Variants in ARHGEF15 observed in about 807,000 individuals in gnomAD.
The protein encoded by ARHGEF15 is Rho guanine nucleotide exchange factor (GEF) 15.
Under a neutral mutation model 79.7 loss-of-function variants are expected in ARHGEF15, and 58 were observed. That is an observed-to-expected ratio of 0.73 (90% confidence interval 0.59 to 0.91). The LOEUF is 0.91. Ranked by LOEUF, ARHGEF15 falls within the 40% of genes least tolerant of loss-of-function variation. The pLI is 0.00. For synonymous variants in ARHGEF15, 442 were observed against 456.0 expected, an observed-to-expected ratio of 0.97 and a Z score of 0.39; for missense variants, 1,012 against 1,108.1, an observed-to-expected ratio of 0.91 and a Z score of 1.23.
At chr17:8,313,310 G>A in intron 3 of ARHGEF15, 56 bp downstream of exon 3, 5 of 1,562,136 alleles carry the variant, frequency 3.2e-6, no homozygotes, top group Non-Finnish European at 4.3e-6. Flanking sequence ...AGAGAGGCAG[G>A]GGGGAACTAA....
At chr17:8,314,742 CAAAA>C (rs77491661) in intron 4 of ARHGEF15, 160 bp from the exon 5 acceptor site, 3,632 of 297,738 alleles carry the variant, frequency 0.012, no homozygotes, top group Non-Finnish European at 0.014. Context: ...CTTTCCCCTT[CAAAA>C]AAAAAAAAAA....
Position 8,321,069 on chromosome 17 carries a change from T to A in ARHGEF15, c.*76T>A, listed in dbSNP as rs1905359586. 1.9e-6 allele frequency: 3 copies of A among 1,572,802 alleles called. No homozygotes were observed. The South Asian group carries it at 3.4e-5, about 18-fold the overall frequency. On this transcript the variant is annotated 3_prime_UTR_variant, in exon 16 of 16. Transcript: ENST00000361926. ...GGAGAGAACAAAGCCCATTCATCCA[T>A]TGGATTCACTGTCAGTGGAGATACT... is the stretch of plus-strand genomic sequence containing the variant.
chr17:8,315,612 A>G lies in ARHGEF15; in HGVS notation c.1421+38A>G, dbSNP rs1358416305. 7.5e-6 allele frequency: 12 copies of G among 1,604,130 alleles called. No homozygotes were observed. In the Admixed American group the frequency reaches 1.5e-4, roughly 20 times the overall value. ...CCGTCCTTCCAGGGAACCTGCCCTT[A>G]GGCTGCTGGGCACGCCCTTTCCTCT... is the stretch of plus-strand genomic sequence containing the variant. On this transcript the variant is annotated intron_variant, in intron 7 of 15. Transcript: ENST00000361926. The surrounding 1 kb of genome is among the most constrained non-coding windows in gnomAD (Gnocchi z 4.3).
At chr17:8,311,420 C>T (rs1376625214) in intron 1 of ARHGEF15, among the ~76,000 whole-genome samples, 2 of 152,158 alleles carry the variant, frequency 1.3e-5, no homozygotes, top group East Asian at 1.9e-4. Flanking sequence ...TCCTCATCTC[C>T]GGGGGTCAGA....
At position 8,320,986 on chromosome 17, in the gene ARHGEF15, C is replaced by A. The variant is rs552154823; in HGVS notation, c.2519C>A (p.Pro840Gln). The change falls in exon 16 of 16, where the codon CCA becomes CAA. Residue 840 changes from proline to glutamine, a missense_variant. By Grantham distance (76) the Pro-to-Gln change is moderately conservative (BLOSUM62 -1). Coordinates refer to ENST00000361926, the MANE Select transcript of ARHGEF15 (RefSeq NM_173728.4). ...TCTTCAGGCACCCCCAATGCCCCCC[C>A]ACCCTAATGCAGGCTGAGGAGGGGG... Reference protein sequence around the residue: ...GSSSGTPNAPPP With the variant: ...GSSSGTPNAPQP 525 of 1,613,974 alleles carry A rather than the reference C, an allele frequency of 3.3e-4. 3 individuals are homozygous for A. In the South Asian group the frequency reaches 5.1e-3, roughly 16 times the overall value.
rs926331333 is a variant in ARHGEF15, at chr17:8,312,570, G to A, written c.531G>A (p.Ala177=). 5.6e-6 allele frequency: 9 copies of A among 1,610,252 alleles called. No homozygotes were observed. Among genetic ancestry groups the A allele is most frequent in the African/African-American group, 2.7e-5 (2 of 74,824 alleles). Residue 177 remains alanine (A), a synonymous_variant, in exon 2 of 16, where the codon GCG becomes GCA. Coordinates refer to ENST00000361926, the MANE Select transcript of ARHGEF15 (RefSeq NM_173728.4). ...ATGCCCCGGAGCCAGGTCTCCAAGCGAGAGCAGATGTGAATGGGGAGAGAG... is the reference window on the plus strand; with the variant it reads ...ATGCCCCGGAGCCAGGTCTCCAAGCAAGAGCAGATGTGAATGGGGAGAGAG... ...DADAPEPGLQ[A]RADVNGEREA... is the part of the protein sequence containing the mutation.
chr17:8,313,215 C>G lies in ARHGEF15; in HGVS notation c.895C>G (p.Pro299Ala), dbSNP rs371577203. 1 of 1,606,384 alleles carries G rather than the reference C, an allele frequency of 6.2e-7. No homozygotes were observed. Among genetic ancestry groups the G allele is most frequent in the Non-Finnish European group, 8.5e-7 (1 of 1,179,988 alleles). Residue 299 changes from proline to alanine, a missense_variant, in exon 3 of 16, where the codon CCA (proline) becomes GCA (alanine). By Grantham distance (27) the Pro-to-Ala change is conservative. Transcript: ENST00000361926. ...DATIFGDPPQ[P>A]DLDLLSEDGI... ...CACCATTTTCGGGGACCCCCCACAG[C>G]CAGATCTTGATCTGCTTTCTGAAGA...
chr17:8,318,255 A>C lies in ARHGEF15; in HGVS notation c.1705-132A>C. The C allele has an allele frequency of 3.5e-6, 3 of 846,952 alleles. No homozygotes were observed. The highest frequency in any genetic ancestry group is 5.7e-6 in the Non-Finnish European group (3 of 525,544). 52.5% of individuals were successfully genotyped at this position (846,952 alleles called of 1,614,324 possible). A position where few individuals can be genotyped will look rare whatever the true frequency, so the allele number is the denominator to read the frequency against. On this transcript the variant is annotated intron_variant, in intron 9 of 15. Transcript: ENST00000361926. This position sits in a 1 kb window ranked among gnomAD's most constrained non-coding sequence, Gnocchi z 5.0. ...TAACAGGACTTGCTCAGGGTTCTGC[A>C]GATGGTGAGTGATGAGGTCTGTCAG...
At position 8,312,232 on chromosome 17, in the gene ARHGEF15, C is replaced by T; in HGVS notation, c.193C>T (p.Pro65Ser). The change falls in exon 2 of 16, where the codon CCC becomes TCC. Residue 65 changes from proline (P) to serine (S), a missense_variant. Pro to Ser is a moderately conservative substitution (Grantham distance 74, BLOSUM62 -1). Coordinates refer to ENST00000361926, the MANE Select transcript of ARHGEF15 (RefSeq NM_173728.4). Reference sequence around the variant, plus strand: ...AATGTGCACCCCCATCTTCTGGGAGCCCCCAGCTGCATCCCTCAAGCCCCC... The same window carrying T: ...AATGTGCACCCCCATCTTCTGGGAGTCCCCAGCTGCATCCCTCAAGCCCCC... Reference protein sequence around the residue: ...TPMCTPIFWEPPAASLKPPAL... With the variant: ...TPMCTPIFWESPAASLKPPAL... The T allele has an allele frequency of 1.4e-6, 2 of 1,453,336 alleles. No individual in the cohort carries two copies. Among genetic ancestry groups the T allele is most frequent in the Non-Finnish European group, 1.9e-6 (2 of 1,073,882 alleles). The allele number at this position is 1,453,336 out of a possible 1,614,324, so 90.0% of individuals were successfully genotyped here. A position where few individuals can be genotyped will look rare whatever the true frequency, so the allele number is the denominator to read the frequency against.
At position 8,318,245 on chromosome 17, in the gene ARHGEF15, AG is replaced by A. The variant is rs1418166866; in HGVS notation, c.1705-139del. 1.4e-5 allele frequency: 11 copies of A among 784,766 alleles called. No homozygotes were observed. The East Asian group carries it at 2.5e-4, about 18-fold the overall frequency. The allele number at this position is 784,766 out of a possible 1,614,324, so 48.6% of individuals were successfully genotyped here. ...CTCAGAGAGGTAACAGGACTTGCTC[AG>A]GGTTCTGCAGATGGTGAGTGATGAG... On this transcript the variant is annotated intron_variant, in intron 9 of 15. Transcript: ENST00000361926. The surrounding 1 kb of genome is among the most constrained non-coding windows in gnomAD (Gnocchi z 5.0).
Position 8,322,180 on chromosome 17 carries a change from G to A in ARHGEF15, c.*1187G>A, listed in dbSNP as rs1905426834. The A allele has an allele frequency of 6.5e-6, 1 of 152,672 alleles. No individual in the cohort carries two copies. Among genetic ancestry groups the A allele is most frequent in the South Asian group, 2.1e-4 (1 of 4,836 alleles). The allele number at this position is 152,672 out of a possible 1,614,324, so 9.5% of individuals were successfully genotyped here. A position where few individuals can be genotyped will look rare whatever the true frequency, so the allele number is the denominator to read the frequency against. ...TGGGCCAAACAGTGGGGAGAGATTG[G>A]AGAGCGGGTGTGGCTGCCCAACCCC... On this transcript the variant is annotated 3_prime_UTR_variant, in exon 16 of 16. Coordinates refer to ENST00000361926, the MANE Select transcript of ARHGEF15 (RefSeq NM_173728.4).
rs761486813 is a variant in ARHGEF15, at chr17:8,318,411, G to A, written c.1729G>A (p.Gly577Arg). Reference protein sequence around the residue: ...LQNILRQTEEGSSRQENAQKA... With the variant: ...LQNILRQTEERSSRQENAQKA... Reference sequence around the variant, plus strand: ...GAATATCCTGCGCCAGACAGAAGAGGGGTCCAGCCGTCAGGAGAATGCCCA... The same window carrying A: ...GAATATCCTGCGCCAGACAGAAGAGAGGTCCAGCCGTCAGGAGAATGCCCA... Residue 577 changes from glycine to arginine, a missense_variant, in exon 10 of 16, where the codon GGG becomes AGG. By Grantham distance (125) the Gly-to-Arg change is moderately radical. This residue lies in a region of ARHGEF15 where 818 missense variants were observed against 882.5 expected (regional missense o/e 0.93). Transcript: ENST00000361926. The surrounding 1 kb of genome is among the most constrained non-coding windows in gnomAD (Gnocchi z 5.0). The A allele has an allele frequency of 1.9e-6, 3 of 1,614,092 alleles. No homozygotes were observed. Among genetic ancestry groups the A allele is most frequent in the East Asian group, 2.2e-5 (1 of 44,864 alleles).
Position 8,312,054 on chromosome 17 carries a change from C to T in ARHGEF15, c.15C>T (p.Ser5=), listed in dbSNP as rs1366729811. 1.9e-6 allele frequency: 3 copies of T among 1,593,440 alleles called. No individual in the cohort carries two copies. In the Admixed American group the frequency reaches 5.2e-5, roughly 27 times the overall value. ...CACAGAGGAAGATGTCAGCCCAGTC[C>T]CTTCCTGCAGCAACACCCCCCACGC... MSAQ[S]LPAATPPTQK... The change falls in exon 2 of 16, where the codon TCC becomes TCT. Residue 5 remains serine, a synonymous_variant. Coordinates refer to ENST00000361926, the MANE Select transcript of ARHGEF15 (RefSeq NM_173728.4).
Position 8,315,810 on chromosome 17 carries a change from T to G in ARHGEF15, c.1477T>G (p.Cys493Gly), listed in dbSNP as rs1210115978. 1 of 1,613,172 alleles carries G rather than the reference T, an allele frequency of 6.2e-7. No homozygotes were observed. Among genetic ancestry groups the G allele is most frequent in the Admixed American group, 1.7e-5 (1 of 59,986 alleles). ...CTCTTCCCCCCACATCAGCGACTTG[T>G]GTGATGTGGTGCATGCCCACGCTGT... ...VRSSPHISDL[C>G]DVVHAHAVGP... Residue 493 changes from cysteine to glycine, a missense_variant, in exon 8 of 16, where the codon TGT becomes GGT. By Grantham distance (159) the Cys-to-Gly change is radical. Around this residue, in one of 3 missense-constraint regions of ARHGEF15, gnomAD observed 818 missense variants for 882.5 expected, o/e 0.93. Coordinates refer to ENST00000361926, the MANE Select transcript of ARHGEF15 (RefSeq NM_173728.4). The surrounding 1 kb of genome is among the most constrained non-coding windows in gnomAD (Gnocchi z 4.3).
chr17:8,319,058 C>T lies in ARHGEF15; in HGVS notation c.2085C>T (p.Ala695=). Residue 695 remains alanine, a synonymous_variant, in exon 13 of 16, where the codon GCC becomes GCT. Transcript: ENST00000361926. ...ATGCCCATCGCTCCCTGGTCCAGGC[C>T]CAGCAGGTTCCGGATCCATCTGGAC... ...LDYAHRSLVQ[A]QQVPDPSGPP... 1 of 1,613,916 alleles carries T rather than the reference C, an allele frequency of 6.2e-7. No homozygotes were observed. Among genetic ancestry groups the T allele is most frequent in the Non-Finnish European group, 8.5e-7 (1 of 1,179,996 alleles).
chr17:8,318,988 C>G lies in ARHGEF15; in HGVS notation c.2034-19C>G. 6.2e-7 allele frequency: 1 copy of G among 1,611,628 alleles called. No homozygotes were observed. The highest frequency in any genetic ancestry group is 1.3e-5 in the African/African-American group (1 of 74,972). On this transcript the variant is annotated intron_variant, in intron 12 of 15. Transcript: ENST00000361926. The surrounding 1 kb of genome is among the most constrained non-coding windows in gnomAD (Gnocchi z 5.0). ...GCGGGACCCCTGCTGTCCTTCTGAACGACCTCATCCCTGGGCAGTGGGCAG... is the reference window on the plus strand; with the variant it reads ...GCGGGACCCCTGCTGTCCTTCTGAAGGACCTCATCCCTGGGCAGTGGGCAG...
chr17:8,313,316 A>C, intron 3 of ARHGEF15, 62 bp downstream of exon 3: 2 of 1,551,924 alleles, frequency 1.3e-6, no homozygotes, highest in East Asian at 2.3e-5. Flanking sequence ...GCAGGGGGGA[A>C]CTAAAGCCCA....
In ARHGEF15 at chr17:8,319,589, A is replaced by G. The variant is rs199721383; in HGVS notation, c.2360A>G (p.His787Arg). 5 of 1,584,844 alleles carry G rather than the reference A, an allele frequency of 3.2e-6. No individual in the cohort carries two copies. The highest frequency in any genetic ancestry group is 4.3e-6 in the Non-Finnish European group (5 of 1,171,832). The part of the protein sequence containing the change: ...LESRAAPKHL[H>R]KTPEGWLKGL... ...TCCAGGGCTGCCCCCAAACACCTGC[A>G]CAAGACCCCTGAAGGTGAGAAAGTC... Residue 787 changes from histidine (H) to arginine (R), a missense_variant, in exon 15 of 16, where the codon CAC (histidine) becomes CGC (arginine). His to Arg is a conservative substitution (Grantham distance 29). Transcript: ENST00000361926.
At position 8,318,378 on chromosome 17, in the gene ARHGEF15, T is replaced by C; in HGVS notation, c.1705-9T>C. ...AGGGGGCCCAGTCACCCTTCCTCCT[T>C]GTCCCCAGAATATCCTGCGCCAGAC... On this transcript the variant is annotated splice_polypyrimidine_tract_variant and intron_variant, in intron 9 of 15. Transcript: ENST00000361926. The surrounding 1 kb of genome is among the most constrained non-coding windows in gnomAD (Gnocchi z 5.0). 1.9e-6 allele frequency: 3 copies of C among 1,613,216 alleles called. No homozygotes were observed. Among genetic ancestry groups the C allele is most frequent in the East Asian group, 4.5e-5 (2 of 44,856 alleles).
Sources: gnomAD v4.1 joint callset for allele counts (sites outside exome capture counted in the v4.1 genomes callset) on GRCh38, gnomAD v4.1.1 for gene constraint, gnomAD v4.1.1 regional missense constraint, Gnocchi (gnomAD v3.1) non-coding constraint, MANE v1.5 for transcripts, NCBI Gene and HGNC (gene_info 2026-07-23, HGNC 2026-07-21) for gene names.